TET2: variants seen among roughly 807,000 people sequenced by gnomAD.
TET2 encodes tet methylcytosine dioxygenase 2.
TET2 carries 299 observed loss-of-function variants against 142.9 expected under a neutral mutation model. The observed-to-expected ratio is 2.09, with a 90% CI of 1.90 to 2.30. The LOEUF (loss-of-function observed/expected upper bound fraction) is 2.30. Among genes scored for constraint, TET2 ranks in the 30% most tolerant of loss-of-function variants. TET2 has a pLI of 0.00. For missense variants in TET2, 2,418 were observed against 2,378.0 expected (o/e 1.02, Z -0.35); for synonymous variants, 819 against 849.0 (o/e 0.96, Z 0.61).
rs148461433 is a variant in TET2 at position 105,239,851 on chromosome 4, G to A, written c.3410-1488G>A. The A allele has an allele frequency of 4.7e-4, 110 of 232,830 alleles. 2 individuals are homozygous for A. The highest frequency in any genetic ancestry group is 2.3e-3 in the African/African-American group (102 of 45,082). 14.4% of individuals were successfully genotyped at this position (232,830 alleles called of 1,614,324 possible). A position where few individuals can be genotyped will look rare whatever the true frequency, so the allele number is the denominator to read the frequency against. ...TCATATCTAGCTTTTGATTTAAAGTGGCAGGCATACAACTCTTCCTTTCAC... is the reference window on the plus strand; with the variant it reads ...TCATATCTAGCTTTTGATTTAAAGTAGCAGGCATACAACTCTTCCTTTCAC... On this transcript the variant is annotated intron_variant, in intron 3 of 10. Coordinates refer to ENST00000380013, the MANE Select transcript of TET2 (RefSeq NM_001127208.3).
chr4:105,246,610 TTACTC>T (rs1424372008), intron 6 of TET2, among the ~76,000 whole-genome samples: 9 of 152,250 alleles, frequency 5.9e-5, no homozygotes, highest in African/African-American at 2.2e-4. Context: ...AATACAGACT[TTACTC>T]AGAAATAGCT....
chr4:105,212,119 T>G (rs146010018), intron 2 of TET2, among the ~76,000 whole-genome samples: 2 of 152,358 alleles, frequency 1.3e-5, no homozygotes, highest in Non-Finnish European at 2.9e-5. Context: ...ATAAAGTAAC[T>G]CTTCCCATGT....
At chr4:105,168,833 T>G (rs186407442) in intron 1 of TET2, among the ~76,000 whole-genome samples, 5 of 152,184 alleles carry the variant, frequency 3.3e-5, no homozygotes, top group Non-Finnish European at 7.4e-5. Flanking sequence ...TGAGAACATA[T>G]GATGTTTGGT....
At chr4:105,189,776 C>T (rs1725679273) in intron 1 of TET2, among the ~76,000 whole-genome samples, 1 of 152,200 alleles carries the variant, frequency 6.6e-6, no homozygotes, top group Non-Finnish European at 1.5e-5. Flanking sequence ...TAAATTAAAA[C>T]CCTTGAGCAC....
intron 1 of TET2, among the ~76,000 whole-genome samples, chr4:105,170,507 T>C (rs1724404205): frequency 6.6e-6 from 1 of 152,154 alleles, no homozygotes; most frequent in African/African-American, 2.4e-5. Flanking sequence ...TTTAAAAAAA[T>C]GGCAATGAAA....
At chr4:105,266,800 G>A (rs1730700668) in intron 8 of TET2, among the ~76,000 whole-genome samples, 1 of 151,932 alleles carries the variant, frequency 6.6e-6, no homozygotes, top group South Asian at 2.1e-4. Flanking sequence ...GTACCAGAAG[G>A]AGGTGGGAGA....
chr4:105,276,563 C>G lies in TET2; in HGVS notation c.*44C>G. ...GTTACCTCACTTGAAAAGACCACAA[C>G]CAACCTGTCAGTAGTATAGTTCTCA... On this transcript the variant is annotated 3_prime_UTR_variant, in exon 11 of 11. Transcript: ENST00000380013. 3 of 1,521,014 alleles carry G rather than the reference C, an allele frequency of 2.0e-6. No individual in the cohort carries two copies. The highest frequency in any genetic ancestry group is 2.7e-6 in the Non-Finnish European group (3 of 1,130,156). The allele number at this position is 1,521,014 out of a possible 1,614,324, so 94.2% of individuals were successfully genotyped here.
intron 3 of TET2, chr4:105,238,107 C>T (rs72961198): frequency 0.016 from 3,643 of 222,590 alleles, 64 homozygotes; most frequent in African/African-American, 0.048. Context: ...TATACTGTAA[C>T]ATACTAAGTG....
chr4:105,221,156 G>T (rs927829041), intron 2 of TET2, among the ~76,000 whole-genome samples: 1 of 151,704 alleles, frequency 6.6e-6, no homozygotes, highest in East Asian at 1.9e-4. Flanking sequence ...TATTATTATC[G>T]TTTCCTTCAG....
chr4:105,240,453 A>G (rs1729230833), intron 3 of TET2: 1 of 1,076,058 alleles, frequency 9.3e-7, no homozygotes, highest in Non-Finnish European at 1.1e-6. Flanking sequence ...GCTATGCAGC[A>G]TAGATTTAGT....
At chr4:105,163,854 A>AGAGAGAGAGAGT (rs1553942671) in intron 1 of TET2, among the ~76,000 whole-genome samples, 143 of 85,224 alleles carry the variant, frequency 1.7e-3, no homozygotes, top group Non-Finnish European at 2.8e-3. Context: ...AGAGAGAGAG[A>AGAGAGAGAGAGT]GTGTGTGTGT....
At chr4:105,273,294 A>G (rs1731053964) in intron 10 of TET2, among the ~76,000 whole-genome samples, 1 of 152,260 alleles carries the variant, frequency 6.6e-6, no homozygotes, top group Non-Finnish European at 1.5e-5. Context: ...CTTTGTTCTC[A>G]GAGATGGTAA....
chr4:105,168,071 A>C (rs991325404), intron 1 of TET2, among the ~76,000 whole-genome samples: 1 of 152,164 alleles, frequency 6.6e-6, no homozygotes, highest in Non-Finnish European at 1.5e-5. Context: ...TTACTTTGAA[A>C]AGTGCAGTTT....
chr4:105,189,158 C>T (rs547497031), intron 1 of TET2, among the ~76,000 whole-genome samples: 5 of 151,922 alleles, frequency 3.3e-5, no homozygotes, highest in African/African-American at 1.2e-4. Context: ...ATTAAGAGAC[C>T]TCCCTTCTTA....
rs920530974 is a variant in TET2, at chr4:105,276,980, T to C, written c.*461T>C. 3.0e-5 allele frequency: 7 copies of C among 235,448 alleles called. No individual in the cohort carries two copies. In the Admixed American group the frequency reaches 3.9e-4, roughly 13 times the overall value. The allele number at this position is 235,448 out of a possible 1,614,324, so 14.6% of individuals were successfully genotyped here. A position where few individuals can be genotyped will look rare whatever the true frequency, so the allele number is the denominator to read the frequency against. On this transcript the variant is annotated 3_prime_UTR_variant, in exon 11 of 11. Transcript: ENST00000380013. ...AAAATACCATCTGGTGCTGAATATA[T>C]GATGTACTGAAATACTGGAATTATG...
At position 105,235,418 on chromosome 4, in the gene TET2, T is replaced by A; in HGVS notation, c.1476T>A (p.Thr492=). 3.1e-6 allele frequency: 5 copies of A among 1,614,212 alleles called. No homozygotes were observed. Among genetic ancestry groups the A allele is most frequent in the Non-Finnish European group, 1.7e-6 (2 of 1,180,032 alleles). ...NNCVNRNDIQ[T]AGTMTVPLCS... is the part of the protein sequence containing the mutation. ...GTGTGAACAGGAATGACATACAGAC[T>A]GCAGGGACAATGACTGTTCCATTGT... Residue 492 remains threonine, a synonymous_variant, in exon 3 of 11, where the codon ACT becomes ACA. Transcript: ENST00000380013.
rs1053237659 is a variant in TET2 at position 105,179,139 on chromosome 4, G to A, written c.-192-11221G>A. On this transcript the variant is annotated intron_variant, in intron 1 of 10. Coordinates refer to ENST00000380013, the MANE Select transcript of TET2 (RefSeq NM_001127208.3). ...ACCTGGTCTCTGCCTTGACACATGGGTATTATGGAGATTATGGGGATTATA... is the reference window on the plus strand; with the variant it reads ...ACCTGGTCTCTGCCTTGACACATGGATATTATGGAGATTATGGGGATTATA... Among the ~76,000 whole-genome samples the A allele has an allele frequency of 3.9e-5, 6 of 152,264 alleles. No individual in the cohort carries two copies. The East Asian group carries it at 7.7e-4, about 20-fold the overall frequency.
chr4:105,248,345 T>A (rs1371950286), intron 6 of TET2, among the ~76,000 whole-genome samples: 1 of 152,228 alleles, frequency 6.6e-6, no homozygotes, highest in East Asian at 1.9e-4. Context: ...ATTTTGCTAT[T>A]TTTTCTATGC....
chr4:105,207,447 C>A (rs1302222515), intron 2 of TET2, among the ~76,000 whole-genome samples: 1 of 152,076 alleles, frequency 6.6e-6, no homozygotes, highest in African/African-American at 2.4e-5. Context: ...AGTTTTATTG[C>A]ATAGTTTCTT....
Sources: gnomAD v4.1 joint callset for allele counts (sites outside exome capture counted in the v4.1 genomes callset) on GRCh38, gnomAD v4.1.1 for gene constraint, MANE v1.5 for transcripts, NCBI Gene and HGNC (gene_info 2026-07-23, HGNC 2026-07-21) for gene names.